MYEF2: variants seen among roughly 807,000 people sequenced by gnomAD.
MYEF2 encodes myelin expression factor 2.
Under a neutral mutation model 75.2 loss-of-function variants are expected in MYEF2, and 37 were observed. That is an observed-to-expected ratio of 0.49 (90% CI 0.38 to 0.65). The LOEUF is 0.65. Among genes scored for constraint, MYEF2 ranks in the 30% least tolerant of loss-of-function variants. The pLI, the probability that MYEF2 is intolerant of heterozygous loss-of-function variation, is 0.00. For missense variants in MYEF2, 634 were observed against 771.4 expected (o/e 0.82, Z 2.11); for synonymous variants, 195 against 241.6 (o/e 0.81, Z 1.79).
At position 48,140,417 on chromosome 15, in the gene MYEF2, C is replaced by T. The variant is rs2039028754; in HGVS notation, c.*2491G>A. On this transcript the variant is annotated 3_prime_UTR_variant, in exon 17 of 17. Coordinates refer to ENST00000324324, the MANE Select transcript of MYEF2 (RefSeq NM_016132.5). Reference sequence around the variant, plus strand: ...AAAAAAAGACGCTAAACCAAGTTTTCAATTACAACATTAAAGGAACAGTTA... The same window carrying T: ...AAAAAAAGACGCTAAACCAAGTTTTTAATTACAACATTAAAGGAACAGTTA... 1 of 151,914 alleles carries T rather than the reference C, an allele frequency of 6.6e-6. No homozygotes were observed. The highest frequency in any genetic ancestry group is 6.6e-5 in the Admixed American group (1 of 15,234). 9.4% of individuals were successfully genotyped at this position (151,914 alleles called of 1,614,324 possible).
intron 9 of MYEF2, 87 bp from the exon 10 acceptor site, chr15:48,153,980 G>C (rs543251665): frequency 1.1e-5 from 11 of 981,606 alleles, no homozygotes; most frequent in South Asian, 5.9e-5. Context: ...CTATATACCT[G>C]TAGTAGTATC....
Position 48,159,599 on chromosome 15 carries a change from A to C in MYEF2, c.717+14T>G, listed in dbSNP as rs1409453944. 6.2e-7 allele frequency: 1 copy of C among 1,605,742 alleles called. No homozygotes were observed. Among genetic ancestry groups the C allele is most frequent in the Non-Finnish European group, 8.5e-7 (1 of 1,176,386 alleles). On this transcript the variant is annotated intron_variant, in intron 6 of 16. Coordinates refer to ENST00000324324, the MANE Select transcript of MYEF2 (RefSeq NM_016132.5). ...TATCTGAATGACAAATTTTAGACTA[A>C]AGCTTGAACTTACATTGGCAACAAA...
intron 5 of MYEF2, among the ~76,000 whole-genome samples, chr15:48,163,780 G>A (rs1229662843): frequency 6.6e-6 from 1 of 152,044 alleles, no homozygotes; most frequent in Non-Finnish European, 1.5e-5. Context: ...TTAATAATTA[G>A]GCTAAATCTA....
chr15:48,165,885 C>A, intron 5 of MYEF2, 48 bp downstream of exon 5: 1 of 1,331,126 alleles, frequency 7.5e-7, no homozygotes, highest in South Asian at 1.4e-5. Context: ...CCAAGGAAAA[C>A]ATGTCTTTAT....
At chr15:48,161,209 T>C (rs1230077768) in intron 5 of MYEF2, among the ~76,000 whole-genome samples, 1 of 152,068 alleles carries the variant, frequency 6.6e-6, no homozygotes, top group East Asian at 1.9e-4. Context: ...CCACCTACTA[T>C]ATAACATGAC....
chr15:48,175,505 G>A (rs987173763), intron 1 of MYEF2, among the ~76,000 whole-genome samples: 2 of 152,084 alleles, frequency 1.3e-5, no homozygotes, highest in African/African-American at 2.4e-5. Context: ...TAACAGATAC[G>A]TTAATTAGCG....
intron 1 of MYEF2, among the ~76,000 whole-genome samples, chr15:48,172,734 T>A (rs959045458): frequency 2.0e-5 from 3 of 151,932 alleles, no homozygotes; most frequent in Non-Finnish European, 4.4e-5. Flanking sequence ...AAACTACTAT[T>A]AACAATTATA....
Position 48,154,615 on chromosome 15 carries a change from CT to C in MYEF2, c.986-723del, listed in dbSNP as rs200028934. 9.4e-3 allele frequency among the ~76,000 whole-genome samples: 1,434 copies of C among 152,204 alleles called. 30 individuals are homozygous for C. The highest frequency in any genetic ancestry group is 0.033 in the African/African-American group (1,377 of 41,552). On this transcript the variant is annotated intron_variant, in intron 9 of 16. Transcript: ENST00000324324. ...GTGTAAACATGAAGACTGTAGAATA[CT>C]TTCAAAGTGCTTAGAGAAAATAATT... is the stretch of plus-strand genomic sequence containing the variant.
At chr15:48,158,597 T>G (rs1178837731) in intron 7 of MYEF2, among the ~76,000 whole-genome samples, 172 bp downstream of exon 7, 1 of 152,142 alleles carries the variant, frequency 6.6e-6, no homozygotes, top group East Asian at 1.9e-4. Context: ...AATTCAAGTT[T>G]TAAGAGTGAC....
At chr15:48,161,938 T>C (rs2039957038) in intron 5 of MYEF2, among the ~76,000 whole-genome samples, 1 of 150,900 alleles carries the variant, frequency 6.6e-6, no homozygotes, top group Admixed American at 6.6e-5. Context: ...ATTATTATAA[T>C]TTAAAGAAAA....
At chr15:48,157,971 T>C in intron 9 of MYEF2, 22 bp downstream of exon 9, 1 of 1,612,134 alleles carries the variant, frequency 6.2e-7, no homozygotes. Context: ...CTATGTTGTT[T>C]CTCATAATAG....
chr15:48,147,781 T>C (rs186327633), intron 16 of MYEF2, among the ~76,000 whole-genome samples: 16 of 152,076 alleles, frequency 1.1e-4, no homozygotes, highest in Non-Finnish European at 1.9e-4. Flanking sequence ...TGTATGTTCT[T>C]TGAGGGCAGG....
chr15:48,160,879 GAA>G (rs5812433), intron 5 of MYEF2, among the ~76,000 whole-genome samples: 21 of 151,328 alleles, frequency 1.4e-4, no homozygotes, highest in South Asian at 6.3e-4. Flanking sequence ...GATTACAAAA[GAA>G]AAAAAAAATG....
chr15:48,165,714 T>C (rs1879894377), intron 5 of MYEF2, among the ~76,000 whole-genome samples: 1 of 151,866 alleles, frequency 6.6e-6, no homozygotes, highest in Non-Finnish European at 1.5e-5. Context: ...TGTGCTTTTA[T>C]TTTTAACAAC....
At chr15:48,171,112 CA>C (rs1162129852) in intron 1 of MYEF2, among the ~76,000 whole-genome samples, 1 of 152,172 alleles carries the variant, frequency 6.6e-6, no homozygotes, top group Non-Finnish European at 1.5e-5. Context: ...AGCAAGCAGC[CA>C]AAAGGCACAA....
intron 1 of MYEF2, among the ~76,000 whole-genome samples, chr15:48,176,502 T>A (rs1479397765): frequency 1.3e-5 from 2 of 152,226 alleles, no homozygotes; most frequent in Non-Finnish European, 2.9e-5. Flanking sequence ...TCCTTTCTCT[T>A]TTCCTGTCTT....
intron 9 of MYEF2, chr15:48,157,293 C>T (rs1303720303): frequency 1.3e-5 from 2 of 152,020 alleles, no homozygotes; most frequent in African/African-American, 4.8e-5. Context: ...GGCACTGAGA[C>T]ACATAATACA....
intron 9 of MYEF2, among the ~76,000 whole-genome samples, chr15:48,155,692 A>G (rs1172201030): frequency 2.1e-5 from 3 of 142,658 alleles, no homozygotes; most frequent in Admixed American, 2.1e-4. Flanking sequence ...GTACAAAGGA[A>G]AAAAAAAAAA....
intron 1 of MYEF2, among the ~76,000 whole-genome samples, chr15:48,172,409 A>G (rs971599843): frequency 6.6e-6 from 1 of 151,852 alleles, no homozygotes; most frequent in African/African-American, 2.4e-5. Context: ...TCAAAAAAAA[A>G]AAAAAGAATA....
Sources: gnomAD v4.1 joint callset for allele counts (sites outside exome capture counted in the v4.1 genomes callset) on GRCh38, gnomAD v4.1.1 for gene constraint, MANE v1.5 for transcripts, NCBI Gene and HGNC (gene_info 2026-07-23, HGNC 2026-07-21) for gene names.